SLC10A7: variants seen among roughly 807,000 people sequenced by gnomAD.
SLC10A7 encodes solute carrier family 10 member 7, also known as sodium/bile acid cotransporter 7.
Under a neutral mutation model 43.2 loss-of-function variants are expected in SLC10A7, and 29 were observed. The ratio of observed to expected loss-of-function variants is 0.67; its 90% confidence interval spans 0.50 to 0.92. The LOEUF (loss-of-function observed/expected upper bound fraction) is 0.92. Among genes scored for constraint, SLC10A7 ranks in the 40% least tolerant of loss-of-function variants. The pLI is 0.00. For synonymous variants in SLC10A7, 152 were observed against 144.8 expected, an observed-to-expected ratio of 1.05 and a Z score of -0.35; for missense variants, 295 against 403.2, an observed-to-expected ratio of 0.73 and a Z score of 2.30.
At chr4:146,489,020 C>A (rs1412633566) in intron 4 of SLC10A7, among the ~76,000 whole-genome samples, 1 of 152,158 alleles carries the variant, frequency 6.6e-6, no homozygotes, top group East Asian at 1.9e-4. Context: ...ACATTCCCTG[C>A]CATCTAATGA....
At chr4:146,500,252 C>T (rs974816945) in intron 4 of SLC10A7, among the ~76,000 whole-genome samples, 4 of 152,214 alleles carry the variant, frequency 2.6e-5, no homozygotes, top group African/African-American at 4.8e-5. Context: ...GTCTACGCAT[C>T]TCAGCTGGCT....
At chr4:146,380,584 T>C (rs987228761) in intron 5 of SLC10A7, among the ~76,000 whole-genome samples, 8 of 152,154 alleles carry the variant, frequency 5.3e-5, no homozygotes, top group Non-Finnish European at 8.8e-5. Flanking sequence ...GATGACCTAC[T>C]ACATATGGGG....
intron 5 of SLC10A7, among the ~76,000 whole-genome samples, chr4:146,421,454 C>A (rs1728959515): frequency 6.6e-6 from 1 of 152,116 alleles, no homozygotes; most frequent in African/African-American, 2.4e-5. Flanking sequence ...CACATTGCTA[C>A]CAGGCCATTT....
intron 5 of SLC10A7, among the ~76,000 whole-genome samples, chr4:146,438,363 A>G (rs1039367284): frequency 6.6e-6 from 1 of 152,066 alleles, no homozygotes; most frequent in East Asian, 1.9e-4. Context: ...AAAGAAACTC[A>G]TTTCTTGACA....
At chr4:146,386,834 T>A (rs1738038353) in intron 5 of SLC10A7, among the ~76,000 whole-genome samples, 1 of 152,208 alleles carries the variant, frequency 6.6e-6, no homozygotes, top group Non-Finnish European at 1.5e-5. Context: ...TTTGTATATA[T>A]GTCTCTCTCC....
chr4:146,270,710 C>G (rs1728839616), intron 10 of SLC10A7, among the ~76,000 whole-genome samples: 1 of 152,144 alleles, frequency 6.6e-6, no homozygotes, highest in Non-Finnish European at 1.5e-5. Context: ...CATGGTGCAC[C>G]AGCTCTGCTA....
chr4:146,331,672 T>C (rs1177088607), intron 5 of SLC10A7, among the ~76,000 whole-genome samples: 2 of 152,218 alleles, frequency 1.3e-5, no homozygotes, highest in South Asian at 2.1e-4. Flanking sequence ...AATTATACTT[T>C]GACAACTCCC....
chr4:146,473,654 T>C (rs964330767), intron 4 of SLC10A7, among the ~76,000 whole-genome samples: 2 of 152,132 alleles, frequency 1.3e-5, no homozygotes, highest in African/African-American at 4.8e-5. Context: ...AATAATGCTA[T>C]TTAAAAGAGC....
intron 6 of SLC10A7, among the ~76,000 whole-genome samples, chr4:146,316,003 G>A (rs536871206): frequency 6.6e-6 from 1 of 152,002 alleles, no homozygotes; most frequent in Non-Finnish European, 1.5e-5. Flanking sequence ...AATAAGACAT[G>A]CACAATTTCA....
chr4:146,262,840 T>G (rs544571986), intron 10 of SLC10A7, among the ~76,000 whole-genome samples: 5 of 152,092 alleles, frequency 3.3e-5, no homozygotes, highest in Non-Finnish European at 7.4e-5. Flanking sequence ...GTGACCAGAG[T>G]GAACATTCTA....
At chr4:146,463,779 G>A (rs1456995617) in intron 4 of SLC10A7, among the ~76,000 whole-genome samples, 1 of 149,720 alleles carries the variant, frequency 6.7e-6, no homozygotes, top group African/African-American at 2.4e-5. Flanking sequence ...TCCATAAAAA[G>A]ATTTAGCTAA....
At chr4:146,472,518 T>A (rs911512345) in intron 4 of SLC10A7, among the ~76,000 whole-genome samples, 2 of 151,848 alleles carry the variant, frequency 1.3e-5, no homozygotes, top group Non-Finnish European at 2.9e-5. Flanking sequence ...TGCAAAGCAG[T>A]TCCTAACAAC....
At chr4:146,451,343 A>C (rs1731591170) in intron 4 of SLC10A7, among the ~76,000 whole-genome samples, 1 of 151,976 alleles carries the variant, frequency 6.6e-6, no homozygotes, top group African/African-American at 2.4e-5. Flanking sequence ...CCCAAAAAAA[A>C]ACTGAAGAGG....
At chr4:146,474,217 T>A (rs935349703) in intron 4 of SLC10A7, among the ~76,000 whole-genome samples, 3 of 152,058 alleles carry the variant, frequency 2.0e-5, no homozygotes, top group African/African-American at 7.2e-5. Flanking sequence ...CAACAATATA[T>A]TGTTGATGAA....
intron 5 of SLC10A7, among the ~76,000 whole-genome samples, chr4:146,405,564 C>T (rs1434608640): frequency 6.6e-6 from 1 of 152,140 alleles, no homozygotes; most frequent in Admixed American, 6.5e-5. Flanking sequence ...TAAACACACA[C>T]ATCTAAAGGA....
At chr4:146,359,206 C>A (rs754756199) in intron 5 of SLC10A7, among the ~76,000 whole-genome samples, 11 of 151,852 alleles carry the variant, frequency 7.2e-5, no homozygotes, top group Non-Finnish European at 1.3e-4. Flanking sequence ...AAATCCTTGC[C>A]CACTTTTTAT....
chr4:146,398,813 C>A (rs1283688171), intron 5 of SLC10A7, among the ~76,000 whole-genome samples: 3 of 152,214 alleles, frequency 2.0e-5, no homozygotes, highest in Non-Finnish European at 4.4e-5. Flanking sequence ...ACTGGTAAGA[C>A]TCCCAAAGTC....
chr4:146,303,815 T>C (rs1731330442), intron 7 of SLC10A7, among the ~76,000 whole-genome samples: 1 of 152,202 alleles, frequency 6.6e-6, no homozygotes, highest in African/African-American at 2.4e-5. Context: ...ACAAGAAGTT[T>C]ACAGGCATGC....
intron 5 of SLC10A7, among the ~76,000 whole-genome samples, chr4:146,362,745 G>C (rs1377778932): frequency 6.6e-6 from 1 of 151,950 alleles, no homozygotes; most frequent in Non-Finnish European, 1.5e-5. Flanking sequence ...GAGATTTTTA[G>C]TTTTTTCCTT....
Sources: allele counts gnomAD v4.1 joint callset (sites outside exome capture counted in the v4.1 genomes callset), GRCh38; gene constraint gnomAD v4.1.1; transcripts MANE v1.5; gene names NCBI Gene and HGNC (gene_info 2026-07-23, HGNC 2026-07-21).